The following EPHB1 variants were observed in gnomAD, a reference collection of about 807,000 sequenced individuals.
EPHB1 encodes the protein EPH receptor B1.
Under a neutral mutation model 94.4 loss-of-function variants are expected in EPHB1, and 30 were observed. That is an observed-to-expected ratio of 0.32 (90% CI 0.24 to 0.43). The LOEUF (loss-of-function observed/expected upper bound fraction) is 0.43, where lower values mean the gene tolerates loss of function less well. Among genes scored for constraint, EPHB1 ranks in the 20% least tolerant of loss-of-function variants. EPHB1 has a pLI of 1.00. For missense variants in EPHB1, 1,055 were observed against 1,308.3 expected, an observed-to-expected ratio of 0.81 and a Z score of 2.99; for synonymous variants, 522 against 489.1, an observed-to-expected ratio of 1.07 and a Z score of -0.89.
intron 3 of EPHB1, among the ~76,000 whole-genome samples, chr3:134,959,134 C>T (rs1933401617): frequency 6.6e-6 from 1 of 152,158 alleles, no homozygotes; most frequent in Non-Finnish European, 1.5e-5. Context: ...ATGGTTATTA[C>T]TGAGGTGGGG....
rs548763266 is a variant in EPHB1, at chr3:135,235,723, T to G, written c.2347-5425T>G. 2.8e-3 allele frequency among the ~76,000 whole-genome samples: 433 copies of G among 152,320 alleles called. 1 individual carries two copies. Among genetic ancestry groups the G allele is most frequent in the Admixed American group, 7.6e-3 (116 of 15,300 alleles). ...GTATTGGCCTAGCTTTCAGCCGGTG[T>G]TGTTGTGCATTTACCTAGGCCTGGA... On this transcript the variant is annotated intron_variant, in intron 12 of 15. Transcript: ENST00000398015.
chr3:134,996,300 C>T (rs868844109), intron 3 of EPHB1, among the ~76,000 whole-genome samples: 2 of 152,214 alleles, frequency 1.3e-5, no homozygotes, highest in Non-Finnish European at 1.5e-5. Flanking sequence ...CTTGGGCAAT[C>T]CTCCAACTTC....
At chr3:135,040,218 A>G (rs1485898292) in intron 3 of EPHB1, among the ~76,000 whole-genome samples, 2 of 152,188 alleles carry the variant, frequency 1.3e-5, no homozygotes, top group African/African-American at 4.8e-5. Flanking sequence ...TCCACCATCC[A>G]TATCTGGGGT....
At chr3:134,836,716 A>G (rs1304417177) in intron 1 of EPHB1, among the ~76,000 whole-genome samples, 2 of 152,270 alleles carry the variant, frequency 1.3e-5, no homozygotes, top group Non-Finnish European at 2.9e-5. Flanking sequence ...CTATAAATTA[A>G]CAACAAATAC....
At chr3:135,112,577 C>A (rs141665671) in intron 4 of EPHB1, among the ~76,000 whole-genome samples, 1 of 121,412 alleles carries the variant, frequency 8.2e-6, no homozygotes, top group Non-Finnish European at 1.6e-5. Flanking sequence ...GTGTGATATT[C>A]CCCTTCCTGT....
chr3:135,186,548 T>G (rs868621397), intron 10 of EPHB1, among the ~76,000 whole-genome samples: 1 of 151,988 alleles, frequency 6.6e-6, no homozygotes, highest in Admixed American at 6.6e-5. Context: ...TCTGCTTTCC[T>G]TTTTTTCCCC....
At chr3:135,122,401 A>G (rs1158143892) in intron 4 of EPHB1, among the ~76,000 whole-genome samples, 2 of 152,148 alleles carry the variant, frequency 1.3e-5, no homozygotes, top group African/African-American at 2.4e-5. Flanking sequence ...TTAAGATGAC[A>G]TGACCTATAG....
chr3:135,190,992 A>G (rs998316245), intron 10 of EPHB1, among the ~76,000 whole-genome samples: 1 of 152,136 alleles, frequency 6.6e-6, no homozygotes, highest in African/African-American at 2.4e-5. Context: ...CTGTGGTCCC[A>G]TCTACTCAGG....
At chr3:135,135,726 T>C (rs188097599) in intron 5 of EPHB1, among the ~76,000 whole-genome samples, 77 of 152,286 alleles carry the variant, frequency 5.1e-4, no homozygotes, top group Admixed American at 2.2e-3. Flanking sequence ...GTTTGAGTCA[T>C]GAGTAGCTAG....
chr3:134,914,019 G>A (rs998076471), intron 1 of EPHB1, among the ~76,000 whole-genome samples: 2 of 152,178 alleles, frequency 1.3e-5, no homozygotes, highest in East Asian at 3.8e-4. Context: ...TGTACCGAGA[G>A]CCCACATCTG....
At chr3:134,907,821 A>G (rs1360907039) in intron 1 of EPHB1, among the ~76,000 whole-genome samples, 1 of 152,186 alleles carries the variant, frequency 6.6e-6, no homozygotes, top group Non-Finnish European at 1.5e-5. Context: ...GACTGATTGC[A>G]TTTCGGAAGT....
intron 3 of EPHB1, among the ~76,000 whole-genome samples, chr3:134,970,079 A>G (rs1460908753): frequency 6.6e-6 from 1 of 152,198 alleles, no homozygotes; most frequent in African/African-American, 2.4e-5. Context: ...TCTCTTAATA[A>G]TGTCTTTCAC....
At chr3:135,192,949 A>T (rs1942498381) in intron 11 of EPHB1, 126 bp downstream of exon 11, 19 of 1,265,462 alleles carry the variant, frequency 1.5e-5, no homozygotes, top group Non-Finnish European at 2.1e-5. Context: ...GGCATTGGAG[A>T]TGTTAGCAGA....
At chr3:134,926,602 A>G (rs2038796435) in intron 2 of EPHB1, among the ~76,000 whole-genome samples, 1 of 152,188 alleles carries the variant, frequency 6.6e-6, no homozygotes, top group Non-Finnish European at 1.5e-5. Flanking sequence ...ATAAGAGGGA[A>G]GAGTCTGTGT....
At chr3:135,214,202 C>A (rs1201088001) in intron 12 of EPHB1, among the ~76,000 whole-genome samples, 1 of 152,150 alleles carries the variant, frequency 6.6e-6, no homozygotes, top group African/African-American at 2.4e-5. Flanking sequence ...GGCCATCTGC[C>A]CCCTCCTCTC....
At chr3:135,172,370 G>T (rs1312766054) in intron 9 of EPHB1, among the ~76,000 whole-genome samples, 1 of 152,180 alleles carries the variant, frequency 6.6e-6, no homozygotes, top group African/African-American at 2.4e-5. Context: ...TTCCTCACTA[G>T]AGCTGTCCAG....
chr3:135,039,382 G>A (rs768085817), intron 3 of EPHB1, among the ~76,000 whole-genome samples: 1 of 152,226 alleles, frequency 6.6e-6, no homozygotes, highest in Non-Finnish European at 1.5e-5. Context: ...ATCCCGCACT[G>A]GGGCTGCAGG....
intron 3 of EPHB1, among the ~76,000 whole-genome samples, chr3:135,042,009 AC>A (rs1936861916): frequency 6.6e-6 from 1 of 152,216 alleles, no homozygotes; most frequent in African/African-American, 2.4e-5. Context: ...ACCATGGCTC[AC>A]TGCAGCCCCG....
chr3:134,967,014 T>C (rs1376861552), intron 3 of EPHB1, among the ~76,000 whole-genome samples: 4 of 152,168 alleles, frequency 2.6e-5, no homozygotes, highest in Non-Finnish European at 5.9e-5. Flanking sequence ...TTGTCCTTTA[T>C]TCAACCAGCC....
Sources: allele counts gnomAD v4.1 joint callset (sites outside exome capture counted in the v4.1 genomes callset), GRCh38; gene constraint gnomAD v4.1.1; transcripts MANE v1.5; gene names NCBI Gene and HGNC (gene_info 2026-07-23, HGNC 2026-07-21).